The following MYH15 variants were observed in gnomAD, a reference collection of about 807,000 sequenced individuals.
The protein encoded by MYH15 is myosin heavy chain 15.
In MYH15, 227 loss-of-function variants were observed where a neutral mutation model predicts 240.5. The ratio of observed to expected loss-of-function variants is 0.94; its 90% CI spans 0.85 to 1.05. The LOEUF (loss-of-function observed/expected upper bound fraction) is 1.05. Ranked by LOEUF, MYH15 falls within the 50% of genes least tolerant of loss-of-function variation. The probability of loss-of-function intolerance (pLI) is 0.00; values close to 1 mark genes in which losing one functional copy is unlikely to be tolerated. For missense variants in MYH15, 2,217 were observed against 2,247.5 expected (o/e 0.99, Z 0.27); for synonymous variants, 785 against 796.7 (o/e 0.99, Z 0.25).
chr3:108,540,905 T>A, the MYH15 span, among the ~76,000 whole-genome samples: 260 of 152,244 alleles, frequency 1.7e-3, no homozygotes, highest in African/African-American at 6.0e-3. Flanking sequence ...AAATTCACTA[T>A]TGGTTTGGGT....
At chr3:108,420,992 A>C (rs1427185909) in intron 28 of MYH15, 96 bp downstream of exon 28, 7 of 1,534,800 alleles carry the variant, frequency 4.6e-6, no homozygotes, top group African/African-American at 2.7e-5. Context: ...TCAGATGCCC[A>C]CTCAGCCTCA....
At chr3:108,533,177 C>T (rs2083723206), upstream of MYH15, among the ~76,000 whole-genome samples, 1 of 134,776 alleles carries the variant, frequency 7.4e-6, no homozygotes, top group African/African-American at 2.8e-5. Flanking sequence ...ATGGGCGAGA[C>T]CAAGTTTGCT....
intron 12 of MYH15, among the ~76,000 whole-genome samples, chr3:108,471,190 C>T (rs2083173451): frequency 6.6e-6 from 1 of 151,834 alleles, no homozygotes; most frequent in Non-Finnish European, 1.5e-5. Context: ...CCTGGTGCCT[C>T]TTTATGAAAA....
Position 108,453,993 on chromosome 3 carries a change from G to A in MYH15, c.2399+13C>T, listed in dbSNP as rs199559172. ...TACCCTAGCAGTTGGGGAGCAGGGTGGGCATATAATACCTTTCTTCCAGAA... is the reference window on the plus strand; with the variant it reads ...TACCCTAGCAGTTGGGGAGCAGGGTAGGCATATAATACCTTTCTTCCAGAA... On this transcript the variant is annotated intron_variant, in intron 21 of 40. Coordinates refer to ENST00000693548, the MANE Select transcript of MYH15 (RefSeq NM_014981.3). 86 of 1,606,712 alleles carry A rather than the reference G, an allele frequency of 5.4e-5. No individual in the cohort carries two copies. The highest frequency in any genetic ancestry group is 7.1e-5 in the Non-Finnish European group (83 of 1,174,774).
intron 32 of MYH15, 33 bp downstream of exon 32, chr3:108,408,245 CAG>C: frequency 6.3e-7 from 1 of 1,591,606 alleles, no homozygotes; most frequent in Non-Finnish European, 8.5e-7. Flanking sequence ...TGCCTTGTCA[CAG>C]TGAAAACTTT....
In MYH15 at chr3:108,492,595, T is replaced by G. The variant is rs2083359582; in HGVS notation, c.776A>C (p.Tyr259Ser). The change falls in exon 9 of 41, where the codon TAT (tyrosine) becomes TCT (serine). Residue 259 changes from tyrosine to serine, a missense_variant and splice_region_variant. By Grantham distance (144) the Tyr-to-Ser change is moderately radical. Coordinates refer to ENST00000693548, the MANE Select transcript of MYH15 (RefSeq NM_014981.3). ...AATCACCCTGGACTTTTCAAGCAAA[T>G]CTGGATGATGAGAAATGAATAAAAA... ...GMLSSVDIDI[Y>S]LLEKSRVIFQ... 6.2e-7 allele frequency: 1 copy of G among 1,608,054 alleles called. No homozygotes were observed. Among genetic ancestry groups the G allele is most frequent in the Non-Finnish European group, 8.5e-7 (1 of 1,175,260 alleles).
At chr3:108,506,838 CT>C (rs574499140) in intron 1 of MYH15, among the ~76,000 whole-genome samples, 71 of 152,316 alleles carry the variant, frequency 4.7e-4, no homozygotes, top group African/African-American at 1.6e-3. Flanking sequence ...CGAGACCAGC[CT>C]GGCCAACATG....
At chr3:108,484,043 T>C (rs2083287649) in intron 11 of MYH15, among the ~76,000 whole-genome samples, 1 of 152,216 alleles carries the variant, frequency 6.6e-6, no homozygotes, top group African/African-American at 2.4e-5. Context: ...TTCATGCCAC[T>C]GAACTGTACA....
chr3:108,408,451 T>A (rs375737022), intron 31 of MYH15, 47 bp from the exon 32 acceptor site: 141 of 1,559,306 alleles, frequency 9.0e-5, no homozygotes, highest in Non-Finnish European at 1.1e-4. Flanking sequence ...GGGCTCAGTC[T>A]CAAACCAATG....
chr3:108,468,461 A>AATCTT (rs2083141130), intron 14 of MYH15, among the ~76,000 whole-genome samples: 1 of 152,198 alleles, frequency 6.6e-6, no homozygotes, highest in Non-Finnish European at 1.5e-5. Context: ...ATTTGCTACA[A>AATCTT]ATCTTCTTCA....
chr3:108,490,631 C>T (rs566286588), intron 9 of MYH15, among the ~76,000 whole-genome samples: 3 of 152,322 alleles, frequency 2.0e-5, no homozygotes, highest in South Asian at 4.1e-4. Context: ...AAATCAAATG[C>T]ATTATTGCCT....
intron 12 of MYH15, among the ~76,000 whole-genome samples, chr3:108,472,348 C>A (rs2083184783): frequency 6.6e-6 from 1 of 152,200 alleles, no homozygotes; most frequent in African/African-American, 2.4e-5. Context: ...TTAAAATAGA[C>A]CTATCACATC....
intron 25 of MYH15, among the ~76,000 whole-genome samples, chr3:108,436,868 T>C (rs930899565): frequency 1.3e-5 from 2 of 151,944 alleles, no homozygotes; most frequent in Non-Finnish European, 2.9e-5. Context: ...TGAAAATCCC[T>C]AATGGTTAAA....
chr3:108,536,509 G>T, the MYH15 span, among the ~76,000 whole-genome samples: 1 of 152,158 alleles, frequency 6.6e-6, no homozygotes, highest in Non-Finnish European at 1.5e-5. Context: ...AAAGTTTATA[G>T]TTCTTTAAGA....
chr3:108,531,726 G>A (rs947750560), upstream of MYH15, among the ~76,000 whole-genome samples: 8 of 151,782 alleles, frequency 5.3e-5, no homozygotes, highest in African/African-American at 9.7e-5. Context: ...GCAGTGAGAC[G>A]AGATCGCACC....
chr3:108,534,151 T>C (rs2083731102), upstream of MYH15, among the ~76,000 whole-genome samples: 1 of 152,212 alleles, frequency 6.6e-6, no homozygotes, highest in South Asian at 2.1e-4. Flanking sequence ...GCACAAATGA[T>C]TGCACTGCTC....
chr3:108,425,071 A>T (rs2082715646), intron 27 of MYH15, among the ~76,000 whole-genome samples: 1 of 152,268 alleles, frequency 6.6e-6, no homozygotes, highest in Non-Finnish European at 1.5e-5. Flanking sequence ...GCATAAGTAT[A>T]AAGAGGGACC....
intron 38 of MYH15, among the ~76,000 whole-genome samples, chr3:108,385,352 A>C (rs2082374744): frequency 6.6e-6 from 1 of 152,204 alleles, no homozygotes; most frequent in Non-Finnish European, 1.5e-5. Flanking sequence ...AGAAAAGATA[A>C]ATTTTCTGGA....
intron 3 of MYH15, among the ~76,000 whole-genome samples, chr3:108,500,886 C>A (rs1213703581): frequency 6.6e-6 from 1 of 152,124 alleles, no homozygotes; most frequent in East Asian, 1.9e-4. Flanking sequence ...TGTGACAATG[C>A]AGGCAGAGAC....
Sources: gnomAD v4.1 joint callset for allele counts (sites outside exome capture counted in the v4.1 genomes callset) on GRCh38, gnomAD v4.1.1 for gene constraint, MANE v1.5 for transcripts, NCBI Gene and HGNC (gene_info 2026-07-23, HGNC 2026-07-21) for gene names.